WASHC2A: variants seen among roughly 807,000 people sequenced by gnomAD.
WASHC2A encodes WASH complex subunit FAM21A.
WASHC2A carries 82 observed loss-of-function variants against 140.3 expected under a neutral mutation model. The ratio of observed to expected loss-of-function variants is 0.58; its 90% CI spans 0.49 to 0.70. The LOEUF (loss-of-function observed/expected upper bound fraction) is 0.70. Ranked by LOEUF, WASHC2A falls within the 30% of genes least tolerant of loss-of-function variation. The pLI, the probability that WASHC2A is intolerant of heterozygous loss-of-function variation, is 0.00. For missense variants in WASHC2A, 985 were observed against 1,521.8 expected, an observed-to-expected ratio of 0.65 and a Z score of 5.87; for synonymous variants, 340 against 560.8, an observed-to-expected ratio of 0.61 and a Z score of 5.56.
At chr10:50,106,131 C>G (rs1313630261) in intron 18 of WASHC2A, among the ~76,000 whole-genome samples, 5 of 149,392 alleles carry the variant, frequency 3.3e-5, no homozygotes, top group African/African-American at 1.2e-4. Context: ...CCTTCGAGTT[C>G]TATGGTAATC....
intron 30 of WASHC2A, among the ~76,000 whole-genome samples, chr10:50,132,332 A>C (rs946433120): frequency 1.1e-3 from 171 of 152,378 alleles, no homozygotes; most frequent in African/African-American, 3.9e-3. Context: ...TGAAACACTA[A>C]AAGAATGCAG....
chr10:50,129,417 A>G lies in WASHC2A; in HGVS notation c.3088-2A>G. 1.2e-6 allele frequency: 2 copies of G among 1,612,000 alleles called. No homozygotes were observed. Among genetic ancestry groups the G allele is most frequent in the Non-Finnish European group, 1.7e-6 (2 of 1,179,852 alleles). On this transcript the variant is annotated splice_acceptor_variant, in intron 28 of 30. Transcript: ENST00000282633. LOFTEE classifies it high-confidence loss of function. ...TCAATGTGTGTTTTTTTGCCATTGC[A>G]GAGCCGTGTCAAGATGAGAGGGAAG...
chr10:50,124,129 G>A (rs1459746556), intron 23 of WASHC2A, among the ~76,000 whole-genome samples: 1 of 148,868 alleles, frequency 6.7e-6, no homozygotes, highest in Non-Finnish European at 1.5e-5. Context: ...TTTTGAGATG[G>A]AGTCCTACTG....
chr10:50,097,097 CATT>C (rs1471781864), intron 15 of WASHC2A, among the ~76,000 whole-genome samples: 1 of 131,428 alleles, frequency 7.6e-6, no homozygotes, highest in Non-Finnish European at 1.8e-5. Flanking sequence ...AATGGTAAGA[CATT>C]GTTCAAATTA....
chr10:50,130,525 A>C (rs991475475), intron 29 of WASHC2A, among the ~76,000 whole-genome samples: 1 of 152,118 alleles, frequency 6.6e-6, no homozygotes, highest in African/African-American at 2.4e-5. Context: ...AACTCAGAGA[A>C]GTGCTAGGCT....
chr10:50,078,822 T>C (rs1838620332), intron 4 of WASHC2A, 85 bp downstream of exon 4: 1 of 1,572,776 alleles, frequency 6.4e-7, no homozygotes, highest in Admixed American at 1.7e-5. Context: ...AACTGGGGGA[T>C]GGTGGGCGGG....
rs1843517372 is a variant in WASHC2A, at chr10:50,127,285, C to T, written c.2874+63C>T. Reference sequence around the variant, plus strand: ...GGCATCTATAAACTTTTTTGGGTTTCCTACTTTTGTCAGCTGCTGCCAAGC... The same window carrying T: ...GGCATCTATAAACTTTTTTGGGTTTTCTACTTTTGTCAGCTGCTGCCAAGC... On this transcript the variant is annotated intron_variant, in intron 27 of 30. Transcript: ENST00000282633. 7 of 1,611,648 alleles carry T rather than the reference C, an allele frequency of 4.3e-6. No homozygotes were observed. The Admixed American group carries it at 5.0e-5, about 12-fold the overall frequency.
At chr10:50,069,432 A>G in intron 2 of WASHC2A, 115 bp from the exon 3 acceptor site, 2 of 1,346,244 alleles carry the variant, frequency 1.5e-6, no homozygotes, top group Non-Finnish European at 9.9e-7. Flanking sequence ...AAAAAAAAGC[A>G]TTTCTTTCAC....
intron 8 of WASHC2A, among the ~76,000 whole-genome samples, chr10:50,088,809 T>G (rs1839614489): frequency 8.1e-6 from 1 of 123,486 alleles, no homozygotes; most frequent in South Asian, 3.0e-4. Flanking sequence ...ATGAAGGATT[T>G]TATACTTTCT....
At chr10:50,069,827 T>C (rs560333731) in intron 3 of WASHC2A, 116 bp downstream of exon 3, 2 of 1,159,462 alleles carry the variant, frequency 1.7e-6, no homozygotes, top group African/African-American at 1.6e-5. Context: ...TTCTTGGTAA[T>C]TGTAGCTTTT....
In WASHC2A at chr10:50,084,260, A is replaced by G. The variant is rs1416681946; in HGVS notation, c.622+95A>G. Reference sequence around the variant, plus strand: ...ACATTAAAGTTTCAAGAATAGTTCAAAGAACTCTCATATACCCTTCACCTG... The same window carrying G: ...ACATTAAAGTTTCAAGAATAGTTCAGAGAACTCTCATATACCCTTCACCTG... On this transcript the variant is annotated intron_variant, in intron 6 of 30. Coordinates refer to ENST00000282633, the MANE Select transcript of WASHC2A (RefSeq NM_001005751.3). 5 of 1,276,096 alleles carry G rather than the reference A, an allele frequency of 3.9e-6. No individual in the cohort carries two copies. The African/African-American group carries it at 4.6e-5, about 12-fold the overall frequency. 79.0% of individuals were successfully genotyped at this position (1,276,096 alleles called of 1,614,324 possible). A position where few individuals can be genotyped will look rare whatever the true frequency, so the allele number is the denominator to read the frequency against.
chr10:50,119,830 G>A lies in WASHC2A; in HGVS notation c.2478+61G>A, dbSNP rs1842892598. On this transcript the variant is annotated intron_variant, in intron 23 of 30. Transcript: ENST00000282633. ...TGAGATAAAAGACTCTCATCTCATG[G>A]TTGTCATTCTGTCATGTGAGTTTCT... 5.7e-6 allele frequency: 9 copies of A among 1,581,216 alleles called. 1 individual carries two copies. In the African/African-American group the frequency reaches 5.9e-5, roughly 10 times the overall value.
Position 50,118,047 on chromosome 10 carries a change from G to C in WASHC2A, c.2284G>C (p.Glu762Gln). ...AAAATTTGGGAGAACTGATGTGGCT[G>C]AGTCAGAAAAGGTGGACTTTTTTCT... is the stretch of plus-strand genomic sequence containing the variant. ...SLKFGRTDVAESEKEGLLTRS... is the reference protein window; with the variant it reads ...SLKFGRTDVAQSEKEGLLTRS... Residue 762 changes from glutamate (E) to glutamine (Q), a missense_variant, in exon 22 of 31, where the codon GAG (glutamate) becomes CAG (glutamine). By Grantham distance (29) the Glu-to-Gln change is conservative. Transcript: ENST00000282633. 1.2e-6 allele frequency: 2 copies of C among 1,607,882 alleles called. No homozygotes were observed. The highest frequency in any genetic ancestry group is 4.5e-5 in the East Asian group (2 of 44,788).
At chr10:50,126,536 A>C (rs1294808613) in intron 26 of WASHC2A, 15 of 254,700 alleles carry the variant, frequency 5.9e-5, no homozygotes, top group African/African-American at 3.2e-4. Context: ...ATTACATCTG[A>C]TTTCCTGCCT....
intron 23 of WASHC2A, among the ~76,000 whole-genome samples, chr10:50,123,867 A>G (rs1345228131): frequency 6.3e-4 from 95 of 151,290 alleles, no homozygotes; most frequent in African/African-American, 2.2e-3. Flanking sequence ...TGTTATACCA[A>G]TACTATAAGC....
At chr10:50,130,395 G>A (rs1182540602) in intron 29 of WASHC2A, among the ~76,000 whole-genome samples, 1 of 148,236 alleles carries the variant, frequency 6.7e-6, no homozygotes, top group Non-Finnish European at 1.5e-5. Context: ...TTAACCTCTG[G>A]TTCTGGGGAC....
chr10:50,077,658 TA>T (rs1351537783), intron 3 of WASHC2A, among the ~76,000 whole-genome samples: 1 of 152,238 alleles, frequency 6.6e-6, no homozygotes, highest in Non-Finnish European at 1.5e-5. Flanking sequence ...TCTTTCTTTT[TA>T]AAAAATTTTA....
chr10:50,109,496 T>C (rs1340327531), intron 19 of WASHC2A, among the ~76,000 whole-genome samples: 1 of 152,196 alleles, frequency 6.6e-6, no homozygotes, highest in Non-Finnish European at 1.5e-5. Context: ...GTAATTAATG[T>C]TGATTCCCTG....
chr10:50,132,533 G>A (rs1392017159), intron 30 of WASHC2A, among the ~76,000 whole-genome samples: 1 of 152,224 alleles, frequency 6.6e-6, no homozygotes, highest in Non-Finnish European at 1.5e-5. Flanking sequence ...TGGAGATCAA[G>A]TTACGCTTCC....
Sources: allele counts gnomAD v4.1 joint callset (sites outside exome capture counted in the v4.1 genomes callset), GRCh38; gene constraint gnomAD v4.1.1; transcripts MANE v1.5; gene names NCBI Gene and HGNC (gene_info 2026-07-23, HGNC 2026-07-21).